The following SCAPER variants were observed in gnomAD, a reference collection of about 807,000 sequenced individuals.
SCAPER encodes the protein S phase cyclin A-associated protein in the endoplasmic reticulum.
Under a neutral mutation model 182.2 loss-of-function variants are expected in SCAPER, and 98 were observed. That is an observed-to-expected ratio of 0.54 (90% CI 0.46 to 0.64). The LOEUF (loss-of-function observed/expected upper bound fraction) is 0.64, where lower values mean the gene tolerates loss of function less well. Ranked by LOEUF, SCAPER falls within the 30% of genes least tolerant of loss-of-function variation. The pLI is 0.00. For missense variants in SCAPER, 1,432 were observed against 1,690.0 expected, an observed-to-expected ratio of 0.85 and a Z score of 2.68; for synonymous variants, 605 against 564.6, an observed-to-expected ratio of 1.07 and a Z score of -1.01.
intron 1 of SCAPER, among the ~76,000 whole-genome samples, chr15:76,894,927 T>A (rs145711724): frequency 6.6e-6 from 1 of 152,304 alleles, no homozygotes; most frequent in East Asian, 1.9e-4. Flanking sequence ...TAGGACCTCA[T>A]GGCTTCACTG....
intron 24 of SCAPER, among the ~76,000 whole-genome samples, chr15:76,491,792 C>T (rs1243811050): frequency 4.6e-5 from 7 of 152,020 alleles, no homozygotes; most frequent in East Asian, 1.9e-4. Context: ...CCACCACACC[C>T]GGCTAATTTT....
chr15:76,470,392 T>C (rs1394772173), intron 25 of SCAPER, among the ~76,000 whole-genome samples: 1 of 152,144 alleles, frequency 6.6e-6, no homozygotes, highest in African/African-American at 2.4e-5. Context: ...GAAGATCTCA[T>C]GAAGAAGGTA....
intron 23 of SCAPER, among the ~76,000 whole-genome samples, chr15:76,540,190 T>G (rs2044603822): frequency 6.6e-6 from 1 of 152,114 alleles, no homozygotes; most frequent in Admixed American, 6.5e-5. Context: ...TGCTTGAAGC[T>G]AGGTGTTCAA....
At chr15:76,895,366 A>AT (rs1433933172) in intron 1 of SCAPER, among the ~76,000 whole-genome samples, 1 of 152,196 alleles carries the variant, frequency 6.6e-6, no homozygotes, top group African/African-American at 2.4e-5. Flanking sequence ...AATTAGGTAC[A>AT]TAAGTAATGT....
chr15:76,516,345 T>C (rs1201546202), intron 23 of SCAPER, among the ~76,000 whole-genome samples: 2 of 152,024 alleles, frequency 1.3e-5, no homozygotes, highest in Non-Finnish European at 2.9e-5. Context: ...TTTCTCTTAA[T>C]GCTATCCCTC....
At position 76,495,993 on chromosome 15, in the gene SCAPER, GACACACACAC is replaced by G. The variant is rs971206080; in HGVS notation, c.2954+8856_2954+8865del. On this transcript the variant is annotated intron_variant, in intron 24 of 31. Coordinates refer to ENST00000563290, the MANE Select transcript of SCAPER (RefSeq NM_020843.4). ...AAAGAGAAAGAAAGCAAAAGAGAGA[GACACACACAC>G]ACACACACACACACACACACACACA... Among the ~76,000 whole-genome samples, 35 of 58,508 alleles carry G rather than the reference GACACACACAC, an allele frequency of 6.0e-4. 1 individual carries two copies. The highest frequency in any genetic ancestry group is 1.8e-3 in the African/African-American group (32 of 17,478). 38.4% of individuals were successfully genotyped at this position (58,508 alleles called of 152,430 possible). A position where few individuals can be genotyped will look rare whatever the true frequency, so the allele number is the denominator to read the frequency against.
intron 4 of SCAPER, chr15:76,855,722 C>A (rs978997076): frequency 1.4e-5 from 3 of 215,008 alleles, no homozygotes; most frequent in African/African-American, 2.3e-5. Flanking sequence ...CAATGAGATA[C>A]CACTTCACAC....
chr15:76,587,479 G>A (rs907118571), intron 22 of SCAPER, among the ~76,000 whole-genome samples: 7 of 152,102 alleles, frequency 4.6e-5, no homozygotes, highest in African/African-American at 1.7e-4. Flanking sequence ...GATAGGCTGT[G>A]TCACTGTTAT....
Position 76,465,274 on chromosome 15 carries a change from T to C in SCAPER, c.3078+5938A>G, listed in dbSNP as rs193238129. The stretch of plus-strand genomic sequence containing the variant: ...GTGCTTTCTGGTTCATAGAAGGCGC[T>C]TTCCAGCTGTGACCTCACCTGACAG... On this transcript the variant is annotated intron_variant, in intron 25 of 31. Transcript: ENST00000563290. Among the ~76,000 whole-genome samples the C allele has an allele frequency of 1.2e-4, 18 of 152,250 alleles. 1 individual carries two copies. The highest frequency in any genetic ancestry group is 1.0e-3 in the Admixed American group (16 of 15,280).
intron 8 of SCAPER, among the ~76,000 whole-genome samples, chr15:76,779,610 A>T (rs913873295): frequency 6.6e-6 from 1 of 152,248 alleles, no homozygotes; most frequent in Non-Finnish European, 1.5e-5. Flanking sequence ...TCAACTAAAA[A>T]CTTTTTAAAA....
intron 21 of SCAPER, among the ~76,000 whole-genome samples, chr15:76,652,437 A>C (rs545172871): frequency 6.6e-4 from 71 of 107,002 alleles, no homozygotes; most frequent in Admixed American, 3.6e-3. Flanking sequence ...GGATCACTTG[A>C]GGTCAGAAGT....
intron 17 of SCAPER, among the ~76,000 whole-genome samples, chr15:76,708,190 C>A (rs115444007): frequency 0.015 from 2,356 of 152,092 alleles, 62 homozygotes; most frequent in African/African-American, 0.055. Flanking sequence ...CTTATAATAC[C>A]TAATACAATA....
chr15:76,688,401 T>C (rs1191832579), intron 20 of SCAPER, among the ~76,000 whole-genome samples: 1 of 152,214 alleles, frequency 6.6e-6, no homozygotes, highest in East Asian at 1.9e-4. Flanking sequence ...TTTACTCTGA[T>C]GGTAGTTTCT....
chr15:76,398,497 A>G (rs1227463888), intron 27 of SCAPER, among the ~76,000 whole-genome samples: 5 of 152,248 alleles, frequency 3.3e-5, no homozygotes, highest in African/African-American at 1.2e-4. Context: ...ATATTTGTTC[A>G]ATGAATGAAT....
At chr15:76,685,144 A>G (rs1470409240) in intron 20 of SCAPER, among the ~76,000 whole-genome samples, 2 of 152,054 alleles carry the variant, frequency 1.3e-5, no homozygotes, top group South Asian at 4.1e-4. Context: ...ATAAGCCAAT[A>G]TTTAGAAATT....
intron 23 of SCAPER, among the ~76,000 whole-genome samples, chr15:76,553,393 C>A (rs2045937220): frequency 6.6e-6 from 1 of 152,180 alleles, no homozygotes; most frequent in South Asian, 2.1e-4. Flanking sequence ...CACGTGGACA[C>A]CCCGCAGTGT....
intron 23 of SCAPER, among the ~76,000 whole-genome samples, chr15:76,542,653 G>A (rs1230895806): frequency 6.6e-6 from 1 of 152,028 alleles, no homozygotes; most frequent in African/African-American, 2.4e-5. Context: ...AAAGAGAGGT[G>A]TAGGTACAGC....
At chr15:76,596,675 C>CA (rs1491425404) in intron 22 of SCAPER, among the ~76,000 whole-genome samples, 40 of 114,582 alleles carry the variant, frequency 3.5e-4, no homozygotes, top group Non-Finnish European at 6.8e-4. Flanking sequence ...CAAATCAATA[C>CA]TATCCATCAC....
intron 15 of SCAPER, among the ~76,000 whole-genome samples, chr15:76,749,897 T>C (rs925293791): frequency 1.5e-4 from 23 of 151,824 alleles, no homozygotes; most frequent in Admixed American, 1.5e-3. Flanking sequence ...GTAACTTATA[T>C]GGAATACAAA....
Sources: allele counts gnomAD v4.1 joint callset (sites outside exome capture counted in the v4.1 genomes callset), GRCh38; gene constraint gnomAD v4.1.1; transcripts MANE v1.5; gene names NCBI Gene and HGNC (gene_info 2026-07-23, HGNC 2026-07-21).